Variants in PRKD1 observed in about 807,000 individuals in gnomAD.
PRKD1 encodes the protein serine/threonine-protein kinase D1.
A neutral mutation model predicts 95.9 loss-of-function variants in PRKD1; 63 were observed. That is an observed-to-expected ratio of 0.66 (90% confidence interval 0.54 to 0.81). The LOEUF is 0.81. Among genes scored for constraint, PRKD1 ranks in the 30% least tolerant of loss-of-function variants. PRKD1 has a pLI of 0.00. For synonymous variants in PRKD1, 425 were observed against 423.1 expected, an observed-to-expected ratio of 1.00 and a Z score of -0.05; for missense variants, 1,048 against 1,165.3, an observed-to-expected ratio of 0.90 and a Z score of 1.47.
At chr14:29,597,167 A>G (rs989349105) in intron 16 of PRKD1, among the ~76,000 whole-genome samples, 3 of 152,208 alleles carry the variant, frequency 2.0e-5, no homozygotes, top group African/African-American at 7.2e-5. Context: ...AAAGTTTTTA[A>G]CACAGAACTA....
At chr14:29,883,329 C>T (rs1186104987) in intron 1 of PRKD1, among the ~76,000 whole-genome samples, 1 of 152,136 alleles carries the variant, frequency 6.6e-6, no homozygotes, top group Admixed American at 6.6e-5. Context: ...ATATCAGCTG[C>T]TATGAACAGT....
chr14:29,864,067 T>G (rs1892801371), intron 1 of PRKD1, among the ~76,000 whole-genome samples: 1 of 151,996 alleles, frequency 6.6e-6, no homozygotes, highest in Admixed American at 6.6e-5. Flanking sequence ...AGCATAAAAT[T>G]TTTCTCTGAA....
chr14:29,624,907 G>A (rs1025837512), intron 12 of PRKD1, among the ~76,000 whole-genome samples: 4 of 151,976 alleles, frequency 2.6e-5, no homozygotes, highest in Non-Finnish European at 4.4e-5. Context: ...GGAATTCTAC[G>A]GAGCACCCCC....
intron 1 of PRKD1, among the ~76,000 whole-genome samples, chr14:29,774,960 G>A (rs902606864): frequency 6.6e-6 from 1 of 152,184 alleles, no homozygotes; most frequent in Admixed American, 6.5e-5. Flanking sequence ...CCAAGAAGTT[G>A]TAGTTATAAT....
chr14:29,902,089 G>A (rs1475183117), intron 1 of PRKD1, among the ~76,000 whole-genome samples: 1 of 152,018 alleles, frequency 6.6e-6, no homozygotes, highest in Non-Finnish European at 1.5e-5. Context: ...AAATGCATGG[G>A]AATTATGATT....
At chr14:29,755,377 A>G (rs1367930481) in intron 1 of PRKD1, among the ~76,000 whole-genome samples, 2 of 152,066 alleles carry the variant, frequency 1.3e-5, no homozygotes, top group Non-Finnish European at 2.9e-5. Flanking sequence ...TGTACCTCAC[A>G]TTTTCTAAAT....
chr14:29,705,130 A>G (rs1303319305), intron 2 of PRKD1, among the ~76,000 whole-genome samples: 1 of 152,154 alleles, frequency 6.6e-6, no homozygotes. Flanking sequence ...GTTATCCTCT[A>G]AAGACGATGA....
Position 29,634,462 on chromosome 14 carries a change from T to C in PRKD1, c.1270A>G (p.Met424Val), listed in dbSNP as rs752208291. ...KHTKRKSSTVMKEGWMVHYTS... is the reference protein window; with the variant it reads ...KHTKRKSSTVVKEGWMVHYTS... ...TAGTGGACCATCCATCCTTCTTTCA[T>C]GACTGTGCTGCTTTTCCTCTTCGTG... Residue 424 changes from methionine (M) to valine (V), a missense_variant, in exon 8 of 18, where the codon ATG (methionine) becomes GTG (valine). This residue lies in a region of PRKD1 where 739 missense variants were observed against 861.9 expected (regional missense o/e 0.86). Coordinates refer to ENST00000331968, the MANE Select transcript of PRKD1 (RefSeq NM_002742.3). The C allele has an allele frequency of 4.0e-5, 64 of 1,613,990 alleles. No individual in the cohort carries two copies. The highest frequency in any genetic ancestry group is 4.9e-5 in the Non-Finnish European group (58 of 1,179,980).
intron 13 of PRKD1, among the ~76,000 whole-genome samples, chr14:29,612,951 A>G (rs1174989037): frequency 1.3e-5 from 2 of 152,134 alleles, no homozygotes; most frequent in Non-Finnish European, 2.9e-5. Context: ...ACAAAAAATT[A>G]GCCGGGCTTG....
Position 29,676,660 on chromosome 14 carries a change from G to C in PRKD1, c.404-10452C>G, listed in dbSNP as rs115883704. ...CAGCCACAGCGCCCGGCCAAGTTCA[G>C]TTTTTAACCTGTTTAGTACAAGGTG... On this transcript the variant is annotated intron_variant, in intron 2 of 17. Coordinates refer to ENST00000331968, the MANE Select transcript of PRKD1 (RefSeq NM_002742.3). Among the ~76,000 whole-genome samples the C allele has an allele frequency of 4.6e-3, 696 of 152,252 alleles. 12 individuals are homozygous for C. Among genetic ancestry groups the C allele is most frequent in the African/African-American group, 0.016 (647 of 41,564 alleles).
intron 1 of PRKD1, among the ~76,000 whole-genome samples, chr14:29,761,963 G>A (rs1313898761): frequency 4.6e-5 from 7 of 151,524 alleles, no homozygotes; most frequent in African/African-American, 1.7e-4. Context: ...GTAGAGATGG[G>A]GTCTCACTAT....
intron 1 of PRKD1, among the ~76,000 whole-genome samples, chr14:29,741,099 GC>G (rs1411291578): frequency 6.6e-6 from 1 of 152,084 alleles, no homozygotes; most frequent in Admixed American, 6.5e-5. Flanking sequence ...CATTATTGGG[GC>G]CTAATTGAGG....
At chr14:29,726,384 C>G (rs1418708440) in intron 1 of PRKD1, among the ~76,000 whole-genome samples, 3 of 152,050 alleles carry the variant, frequency 2.0e-5, no homozygotes, top group African/African-American at 7.2e-5. Flanking sequence ...GAAAAGGGCC[C>G]TTTTCTTGTA....
chr14:29,831,695 A>T (rs1891420094), intron 1 of PRKD1, among the ~76,000 whole-genome samples: 1 of 151,886 alleles, frequency 6.6e-6, no homozygotes, highest in Non-Finnish European at 1.5e-5. Flanking sequence ...CATTCTGTTT[A>T]TGGGTTTTCA....
chr14:29,760,604 CG>C (rs45461191), intron 1 of PRKD1, among the ~76,000 whole-genome samples: 1,653 of 152,138 alleles, frequency 0.011, 33 homozygotes, highest in African/African-American at 0.037. Context: ...CCGCCTGCCT[CG>C]GCCTCCCAAA....
chr14:29,578,637 T>C (rs933575673), intron 16 of PRKD1, among the ~76,000 whole-genome samples: 8 of 151,650 alleles, frequency 5.3e-5, no homozygotes, highest in African/African-American at 1.9e-4. Flanking sequence ...TTTCAATTGG[T>C]CTACTCTTTA....
intron 1 of PRKD1, among the ~76,000 whole-genome samples, chr14:29,918,679 A>G (rs1894978264): frequency 6.6e-6 from 1 of 152,216 alleles, no homozygotes; most frequent in African/African-American, 2.4e-5. Context: ...AATAATGTCA[A>G]TACTTTTGCA....
intron 4 of PRKD1, among the ~76,000 whole-genome samples, chr14:29,654,896 A>G (rs900484907): frequency 6.6e-6 from 1 of 152,256 alleles, no homozygotes; most frequent in African/African-American, 2.4e-5. Context: ...ACATTTATAA[A>G]GAGAAAAGTC....
At chr14:29,636,171 A>G (rs1052481630) in intron 7 of PRKD1, 119 bp downstream of exon 7, 21 of 1,236,268 alleles carry the variant, frequency 1.7e-5, no homozygotes, top group African/African-American at 3.0e-5. Flanking sequence ...GTTCATTCAT[A>G]TAAAAGTAAA....
Sources: gnomAD v4.1 joint callset for allele counts (sites outside exome capture counted in the v4.1 genomes callset) on GRCh38, gnomAD v4.1.1 for gene constraint, gnomAD v4.1.1 regional missense constraint, MANE v1.5 for transcripts, NCBI Gene and HGNC (gene_info 2026-07-23, HGNC 2026-07-21) for gene names.